The following AK1 variants were observed in gnomAD, a reference collection of about 807,000 sequenced individuals.
AK1 encodes the protein adenylate kinase 1, also known as adenylate kinase isoenzyme 1.
In AK1, 13 loss-of-function variants were observed where a neutral mutation model predicts 23.9. The observed-to-expected ratio is 0.54, with a 90% CI of 0.35 to 0.86. AK1 has a LOEUF of 0.86. Ranked by LOEUF, AK1 falls within the 40% of genes least tolerant of loss-of-function variation. The pLI is 0.01. For synonymous variants in AK1, 97 were observed against 102.8 expected (o/e 0.94, Z 0.34); for missense variants, 214 against 255.1 (o/e 0.84, Z 1.10).
Position 127,871,755 on chromosome 9 carries a change from C to G in AK1, c.324+68G>C. 7.4e-7 allele frequency: 1 copy of G among 1,345,196 alleles called. No individual in the cohort carries two copies. Among genetic ancestry groups the G allele is most frequent in the Non-Finnish European group, 1.1e-6 (1 of 945,752 alleles). 83.3% of individuals were successfully genotyped at this position (1,345,196 alleles called of 1,614,324 possible). On this transcript the variant is annotated intron_variant, in intron 5 of 6. Coordinates refer to ENST00000644144, the MANE Select transcript of AK1 (RefSeq NM_000476.3). This position sits in a 1 kb window ranked among gnomAD's most constrained non-coding sequence, Gnocchi z 4.4. ...ACCTGCATCACAGCCCCCGCAGGCCCGCCCATGGGGATGGGAGTCTTATCC... is the reference window on the plus strand; with the variant it reads ...ACCTGCATCACAGCCCCCGCAGGCCGGCCCATGGGGATGGGAGTCTTATCC...
chr9:127,869,714 G>A (rs1490776411), intron 5 of AK1, among the ~76,000 whole-genome samples: 1 of 152,204 alleles, frequency 6.6e-6, no homozygotes, highest in Non-Finnish European at 1.5e-5. Flanking sequence ...ATTACCATGG[G>A]GGCAAAGGCT....
chr9:127,870,876 T>TCCCC (rs1564472335), intron 5 of AK1, among the ~76,000 whole-genome samples: 5 of 151,634 alleles, frequency 3.3e-5, no homozygotes, highest in African/African-American at 9.8e-5. Flanking sequence ...CCCACCAGGA[T>TCCCC]GCTGGTTAGG....
chr9:127,876,452 C>T (rs1486000023), intron 1 of AK1, among the ~76,000 whole-genome samples: 2 of 152,190 alleles, frequency 1.3e-5, no homozygotes, highest in Non-Finnish European at 2.9e-5. Context: ...GTTTCTGCTA[C>T]GCTGGGCCTG....
intron 3 of AK1, 34 bp downstream of exon 3, chr9:127,872,992 C>A: frequency 6.2e-7 from 1 of 1,613,974 alleles, no homozygotes; most frequent in Non-Finnish European, 8.5e-7. Flanking sequence ...CCAGTGAAGA[C>A]CCTTGCTGCA....
intron 2 of AK1, 149 bp downstream of exon 2, chr9:127,874,462 G>A: frequency 1.3e-6 from 2 of 1,582,726 alleles, no homozygotes; most frequent in South Asian, 1.1e-5. Flanking sequence ...GAGGCCAGAG[G>A]AGGATACTGG....
At chr9:127,873,669 A>G (rs1157541973) in intron 2 of AK1, 1 of 1,369,288 alleles carries the variant, frequency 7.3e-7, no homozygotes, top group Non-Finnish European at 9.4e-7. Flanking sequence ...GCCTGCTGTT[A>G]GATCCCAGCA....
At position 127,872,739 on chromosome 9, in the gene AK1, C is replaced by G; in HGVS notation, c.158G>C (p.Arg53Thr). Residue 53 changes from arginine to threonine, a missense_variant, in exon 4 of 7, where the codon AGG becomes ACG. Transcript: ENST00000644144. ...LRSEVSSGSA[R>T]GKKLSEIMEK... ...CATGATTTCCGACAGCTTCTTGCCC[C>G]TGGCCGAGCCTGAGCTGACCTCGGA... is the stretch of plus-strand genomic sequence containing the variant. 3 of 1,614,182 alleles carry G rather than the reference C, an allele frequency of 1.9e-6. No individual in the cohort carries two copies. The highest frequency in any genetic ancestry group is 2.5e-6 in the Non-Finnish European group (3 of 1,180,028).
rs751605963 is a variant in AK1, at chr9:127,871,776, T to TA, written c.324+46dup. ...GGCCCGCCCATGGGGATGGGAGTCTTATCCTGCCCCAGCCCACCAGGATCC... is the reference window on the plus strand; with the variant it reads ...GGCCCGCCCATGGGGATGGGAGTCTTAATCCTGCCCCAGCCCACCAGGATCC... On this transcript the variant is annotated intron_variant, in intron 5 of 6. Transcript: ENST00000644144. The surrounding 1 kb of genome is among the most constrained non-coding windows in gnomAD (Gnocchi z 4.4). 2.6e-6 allele frequency: 4 copies of TA among 1,540,400 alleles called. No individual in the cohort carries two copies. Among genetic ancestry groups the TA allele is most frequent in the Non-Finnish European group, 3.6e-6 (4 of 1,113,660 alleles).
At chr9:127,876,782 T>C (rs1250648246) in intron 1 of AK1, among the ~76,000 whole-genome samples, 2 of 150,982 alleles carry the variant, frequency 1.3e-5, no homozygotes, top group African/African-American at 2.4e-5. Flanking sequence ...TAGGATGGAG[T>C]TGGGTTACGG....
intron 5 of AK1, chr9:127,869,360 C>G (rs184236044): frequency 6.5e-6 from 1 of 153,598 alleles, no homozygotes; most frequent in Non-Finnish European, 1.5e-5. Context: ...AGGGTTTCTG[C>G]GCAGCTTTGG....
chr9:127,871,625 T>G lies in AK1; in HGVS notation c.324+198A>C, dbSNP rs743539. On this transcript the variant is annotated intron_variant, in intron 5 of 6. Coordinates refer to ENST00000644144, the MANE Select transcript of AK1 (RefSeq NM_000476.3). This position sits in a 1 kb window ranked among gnomAD's most constrained non-coding sequence, Gnocchi z 4.4. The stretch of plus-strand genomic sequence containing the variant: ...TGAGCCCAGGTTTGGCAACTGCCCC[T>G]CCTGGCGCTTCCCCTTCTACACATT... Among the ~76,000 whole-genome samples, 55,605 of 150,970 alleles carry G rather than the reference T, an allele frequency of 0.37. 10,987 individuals are homozygous for G. Among genetic ancestry groups the G allele is most frequent in the South Asian group, 0.46 (2,234 of 4,808 alleles).
intron 2 of AK1, chr9:127,874,268 C>T (rs989571878): frequency 1.8e-5 from 18 of 985,258 alleles, no homozygotes; most frequent in Non-Finnish European, 2.0e-5. Context: ...AACTGAGTCC[C>T]GGAGAGGTAC....
rs779559662 is a variant in AK1 at position 127,871,953 on chromosome 9, A to G, written c.208-14T>C. The G allele has an allele frequency of 6.2e-7, 1 of 1,604,378 alleles. No individual in the cohort carries two copies. The highest frequency in any genetic ancestry group is 8.5e-7 in the Non-Finnish European group (1 of 1,171,370). ...CAACACTGTCTCCTGGGGCACAGCAAAGGAGGAAGGGGCCATGAGCCTCTC... is the reference window on the plus strand; with the variant it reads ...CAACACTGTCTCCTGGGGCACAGCAGAGGAGGAAGGGGCCATGAGCCTCTC... On this transcript the variant is annotated splice_polypyrimidine_tract_variant and intron_variant, in intron 4 of 6. Transcript: ENST00000644144. The surrounding 1 kb of genome is among the most constrained non-coding windows in gnomAD (Gnocchi z 4.4).
chr9:127,875,401 G>GC (rs1002842851), intron 1 of AK1, among the ~76,000 whole-genome samples: 14 of 65,224 alleles, frequency 2.1e-4, no homozygotes, highest in African/African-American at 8.5e-4. Flanking sequence ...CCCCTACCTC[G>GC]CCCCCCTATC....
At position 127,871,742 on chromosome 9, in the gene AK1, G is replaced by T; in HGVS notation, c.324+81C>A. 3 of 1,147,296 alleles carry T rather than the reference G, an allele frequency of 2.6e-6. No individual in the cohort carries two copies. Among genetic ancestry groups the T allele is most frequent in the Non-Finnish European group, 4.0e-6 (3 of 759,398 alleles). The allele number at this position is 1,147,296 out of a possible 1,614,324, so 71.1% of individuals were successfully genotyped here. A position where few individuals can be genotyped will look rare whatever the true frequency, so the allele number is the denominator to read the frequency against. ...GCTCAGAACTCTGACCTGCATCACA[G>T]CCCCCGCAGGCCCGCCCATGGGGAT... On this transcript the variant is annotated intron_variant, in intron 5 of 6. Transcript: ENST00000644144. The surrounding 1 kb of genome is among the most constrained non-coding windows in gnomAD (Gnocchi z 4.4).
intron 5 of AK1, among the ~76,000 whole-genome samples, chr9:127,869,940 C>T (rs1588613917): frequency 6.6e-6 from 1 of 152,334 alleles, no homozygotes; most frequent in South Asian, 2.1e-4. Context: ...GGCTGTGGGG[C>T]CTCAGTCTCC....
In AK1 at chr9:127,867,974, G is replaced by A. The variant is rs373209848; in HGVS notation, c.*34C>T. 257 of 1,609,214 alleles carry A rather than the reference G, an allele frequency of 1.6e-4. No individual in the cohort carries two copies. The highest frequency in any genetic ancestry group is 3.1e-4 in the South Asian group (28 of 90,962). On this transcript the variant is annotated 3_prime_UTR_variant, in exon 7 of 7. Transcript: ENST00000644144. ...ACCTCGAATCAGGACGGGGTGGGGCGGGGCTCTGAGCTGGGGAAGCGGCTC... is the reference window on the plus strand; with the variant it reads ...ACCTCGAATCAGGACGGGGTGGGGCAGGGCTCTGAGCTGGGGAAGCGGCTC...
chr9:127,871,510 C>T lies in AK1; in HGVS notation c.324+313G>A, dbSNP rs2131400813. 6.6e-6 allele frequency among the ~76,000 whole-genome samples: 1 copy of T among 151,686 alleles called. No homozygotes were observed. The highest frequency in any genetic ancestry group is 1.9e-4 in the East Asian group (1 of 5,188). ...TCCCTTAAGGCAGCTGTGACCTGGT[C>T]CTCCCACTCCCTGCATTTTGCAGAT... On this transcript the variant is annotated intron_variant, in intron 5 of 6. Transcript: ENST00000644144. This position sits in a 1 kb window ranked among gnomAD's most constrained non-coding sequence, Gnocchi z 4.4.
intron 2 of AK1, chr9:127,874,141 T>A (rs1829484634): frequency 2.0e-6 from 2 of 985,444 alleles, no homozygotes; most frequent in Non-Finnish European, 2.4e-6. Flanking sequence ...TGCCAGCAGC[T>A]GAGGGCGGGC....
Sources: gnomAD v4.1 joint callset for allele counts (sites outside exome capture counted in the v4.1 genomes callset) on GRCh38, gnomAD v4.1.1 for gene constraint, Gnocchi (gnomAD v3.1) non-coding constraint, MANE v1.5 for transcripts, NCBI Gene and HGNC (gene_info 2026-07-23, HGNC 2026-07-21) for gene names.